Variants in MBOAT4 observed in about 807,000 individuals in gnomAD.
MBOAT4 encodes membrane-bound ghrelin O-acyltransferase MBOAT4.
In MBOAT4, 11 loss-of-function variants were observed where a neutral mutation model predicts 13.2. The ratio of observed to expected loss-of-function variants is 0.84; its 90% CI spans 0.53 to 1.38. MBOAT4 has a LOEUF of 1.38. Ranked by LOEUF, MBOAT4 falls within the 40% of genes most tolerant of loss-of-function variation. The pLI, the probability that MBOAT4 is intolerant of heterozygous loss-of-function variation, is 0.00. For synonymous variants in MBOAT4, 202 were observed against 210.3 expected (o/e 0.96, Z 0.34); for missense variants, 481 against 527.2 (o/e 0.91, Z 0.86).
Position 30,131,987 on chromosome 8 carries a change from T to C in MBOAT4, c.1264A>G (p.Ile422Val), listed in dbSNP as rs1419756757. Residue 422 changes from isoleucine to valine, a missense_variant, in exon 3 of 3, where the codon ATT becomes GTT. Coordinates refer to ENST00000320542, the MANE Select transcript of MBOAT4 (RefSeq NM_001100916.2). The part of the protein sequence containing the change: ...YNSVFPMVYC[I>V]LLLLLAKRKH... Reference sequence around the variant, plus strand: ...CTCTTCGCCAATAGCAAAAGCAGAATACAGTACACCATGGGAAAGACACTG... The same window carrying C: ...CTCTTCGCCAATAGCAAAAGCAGAACACAGTACACCATGGGAAAGACACTG... 6.4e-7 allele frequency: 1 copy of C among 1,551,938 alleles called. No individual in the cohort carries two copies. The highest frequency in any genetic ancestry group is 8.7e-7 in the Non-Finnish European group (1 of 1,147,086).
chr8:30,135,913 G>GA (rs36032566), intron 2 of MBOAT4, among the ~76,000 whole-genome samples: 102,773 of 128,798 alleles, frequency 0.8, 41,002 homozygotes, highest in South Asian at 0.82. Flanking sequence ...GACCTTGTCT[G>GA]AAAAAAAAAA....
chr8:30,133,243 G>A (rs1216836647), intron 2 of MBOAT4, among the ~76,000 whole-genome samples: 2 of 152,032 alleles, frequency 1.3e-5, no homozygotes, highest in Non-Finnish European at 2.9e-5. Context: ...AGTATACAGT[G>A]GAGCTTAAGT....
intron 2 of MBOAT4, among the ~76,000 whole-genome samples, chr8:30,134,757 AG>A (rs1803103044): frequency 1.3e-5 from 2 of 152,178 alleles, no homozygotes; most frequent in Non-Finnish European, 2.9e-5. Flanking sequence ...CATGTCTGCC[AG>A]GCTGGTCTTG....
chr8:30,139,351 TGACCGTCCTG>T (rs1803221793), intron 1 of MBOAT4, among the ~76,000 whole-genome samples: 1 of 152,038 alleles, frequency 6.6e-6, no homozygotes, highest in Non-Finnish European at 1.5e-5. Context: ...CGCCTGCCCC[TGACCGTCCTG>T]GAAGTCTGGC....
intron 1 of MBOAT4, among the ~76,000 whole-genome samples, chr8:30,140,722 T>C (rs1339112480): frequency 6.6e-6 from 1 of 152,158 alleles, no homozygotes; most frequent in Non-Finnish European, 1.5e-5. Context: ...GAGTGAAGGG[T>C]GACCACGACC....
intron 2 of MBOAT4, 104 bp from the exon 3 acceptor site, chr8:30,133,010 A>G: frequency 8.8e-7 from 1 of 1,139,862 alleles, no homozygotes; most frequent in Non-Finnish European, 1.2e-6. Flanking sequence ...ATAGGTCTGT[A>G]CAGCTAAGAT....
At chr8:30,133,028 A>G (rs1803061091) in intron 2 of MBOAT4, 122 bp from the exon 3 acceptor site, 1 of 837,656 alleles carries the variant, frequency 1.2e-6, no homozygotes, top group South Asian at 2.4e-5. Flanking sequence ...GATTAATCTC[A>G]TGGCCTGCAG....
At position 30,131,814 on chromosome 8, in the gene MBOAT4, G is replaced by A; in HGVS notation, c.*129C>T. The stretch of plus-strand genomic sequence containing the variant: ...CACAAATTCCTACTGCAAGTCACTG[G>A]GTATATCCATCCAAAACTTTAGAAA... On this transcript the variant is annotated 3_prime_UTR_variant, in exon 3 of 3. Transcript: ENST00000320542. 1 of 1,074,768 alleles carries A rather than the reference G, an allele frequency of 9.3e-7. No homozygotes were observed. Among genetic ancestry groups the A allele is most frequent in the East Asian group, 2.6e-5 (1 of 37,874 alleles). The allele number at this position is 1,074,768 out of a possible 1,614,324, so 66.6% of individuals were successfully genotyped here.
Position 30,132,097 on chromosome 8 carries a change from T to C in MBOAT4, c.1154A>G (p.His385Arg). ...GATGTAGGCAATGATCAACTGGGTG[T>C]GGGCCCAGGTGAGGGTTCTATAGAA... Reference protein sequence around the residue: ...RLFYRTLTWAHTQLIIAYIML... With the variant: ...RLFYRTLTWARTQLIIAYIML... Residue 385 changes from histidine to arginine, a missense_variant, in exon 3 of 3, where the codon CAC becomes CGC. Transcript: ENST00000320542. 6.4e-7 allele frequency: 1 copy of C among 1,551,678 alleles called. No individual in the cohort carries two copies. The highest frequency in any genetic ancestry group is 1.2e-5 in the South Asian group (1 of 84,048).
chr8:30,144,439 A>G, intron 1 of MBOAT4, 44 bp downstream of exon 1: 1 of 1,396,072 alleles, frequency 7.2e-7, no homozygotes, highest in South Asian at 1.2e-5. Context: ...CCCAGTCACT[A>G]TAGTATTTCT....
At position 30,144,493 on chromosome 8, in the gene MBOAT4, T is replaced by C; in HGVS notation, c.109A>G (p.Thr37Ala). ...AGCCATCCAGCCTACCTGGCACGAG[T>C]GGAGAATGAATCCATGATGCAGAGA... Reference protein sequence around the residue: ...NYLCIMDSFSTRARYLFLLTG... With the variant: ...NYLCIMDSFSARARYLFLLTG... The change falls in exon 1 of 3, where the codon ACT becomes GCT. Residue 37 changes from threonine (T) to alanine (A), a missense_variant. Thr to Ala is a moderately conservative substitution (Grantham distance 58, BLOSUM62 0). Coordinates refer to ENST00000320542, the MANE Select transcript of MBOAT4 (RefSeq NM_001100916.2). 1 of 1,548,560 alleles carries C rather than the reference T, an allele frequency of 6.5e-7. No individual in the cohort carries two copies. Among genetic ancestry groups the C allele is most frequent in the Non-Finnish European group, 8.7e-7 (1 of 1,144,584 alleles).
In MBOAT4 at chr8:30,138,703, G is replaced by A. The variant is rs1345999729; in HGVS notation, c.173C>T (p.Ser58Phe). Residue 58 changes from serine to phenylalanine, a missense_variant, in exon 2 of 3, where the codon TCC becomes TTC. Transcript: ENST00000320542. ...GGALAVAAMGSYAVLVFTPAV... is the reference protein window; with the variant it reads ...GGALAVAAMGFYAVLVFTPAV... ...AGGGGTGAAGACGAGCACGGCGTAG[G>A]AACCCATGGCAGCCACGGCCAGGGC... The A allele has an allele frequency of 5.2e-6, 8 of 1,550,430 alleles. No individual in the cohort carries two copies. Among genetic ancestry groups the A allele is most frequent in the African/African-American group, 1.4e-5 (1 of 73,024 alleles).
At chr8:30,143,529 A>G (rs1291288338) in intron 1 of MBOAT4, among the ~76,000 whole-genome samples, 4 of 152,146 alleles carry the variant, frequency 2.6e-5, no homozygotes, top group African/African-American at 4.8e-5. Flanking sequence ...GACTATGTTA[A>G]AAACATAAAA....
Position 30,132,243 on chromosome 8 carries a change from C to T in MBOAT4, c.1008G>A (p.Trp336Ter). 3.2e-6 allele frequency: 5 copies of T among 1,551,834 alleles called. No homozygotes were observed. Among genetic ancestry groups the T allele is most frequent in the South Asian group, 1.2e-5 (1 of 84,066 alleles). ...PLLQTFAFSA[W>*]WHGLHPGQVF... ...CCTGTCCTGGATGGAGTCCATGCCACCAGGCAGAGAAGGCAAATGTCTGCA... is the reference window on the plus strand; with the variant it reads ...CCTGTCCTGGATGGAGTCCATGCCATCAGGCAGAGAAGGCAAATGTCTGCA... The change falls in exon 3 of 3, where the codon TGG becomes TGA. Residue 336 changes from tryptophan to a stop codon, truncating the protein, a stop_gained. Transcript: ENST00000320542. LOFTEE classifies it low-confidence loss of function (END_TRUNC).
intron 1 of MBOAT4, among the ~76,000 whole-genome samples, chr8:30,140,926 C>A (rs1803250449): frequency 6.6e-6 from 1 of 152,064 alleles, no homozygotes; most frequent in Non-Finnish European, 1.5e-5. Context: ...CAGCCTTGAC[C>A]CCCCCGGCTC....
At chr8:30,140,331 G>A (rs552719981) in intron 1 of MBOAT4, among the ~76,000 whole-genome samples, 5 of 152,084 alleles carry the variant, frequency 3.3e-5, no homozygotes, top group East Asian at 1.9e-4. Flanking sequence ...AAGGTGATCC[G>A]CCCACCTCAG....
intron 1 of MBOAT4, among the ~76,000 whole-genome samples, chr8:30,139,835 C>T (rs1428376058): frequency 6.6e-6 from 1 of 152,016 alleles, no homozygotes; most frequent in Non-Finnish European, 1.5e-5. Flanking sequence ...GGTGGCACAC[C>T]TGTAGTCCTA....
At chr8:30,133,788 CAA>C (rs11430475) in intron 2 of MBOAT4, among the ~76,000 whole-genome samples, 5 of 123,040 alleles carry the variant, frequency 4.1e-5, no homozygotes, top group Admixed American at 8.6e-5. Flanking sequence ...GACCCTGTCT[CAA>C]AAAAAAAAAA....
chr8:30,143,084 G>A (rs1391642648), intron 1 of MBOAT4, among the ~76,000 whole-genome samples: 2 of 152,108 alleles, frequency 1.3e-5, no homozygotes, highest in Non-Finnish European at 2.9e-5. Context: ...TGGGTGATGG[G>A]ATCAATCATA....
Sources: gnomAD v4.1 joint callset for allele counts (sites outside exome capture counted in the v4.1 genomes callset) on GRCh38, gnomAD v4.1.1 for gene constraint, MANE v1.5 for transcripts, NCBI Gene and HGNC (gene_info 2026-07-23, HGNC 2026-07-21) for gene names.